The following ATG14 variants were observed in gnomAD, a reference collection of about 807,000 sequenced individuals.
ATG14 encodes the protein autophagy related 14.
Under a neutral mutation model 60.4 loss-of-function variants are expected in ATG14, and 35 were observed. That is an observed-to-expected ratio of 0.58 (90% confidence interval 0.44 to 0.77). The LOEUF is 0.77. Ranked by LOEUF, ATG14 falls within the 30% of genes least tolerant of loss-of-function variation. The pLI is 0.00. For synonymous variants in ATG14, 234 were observed against 228.8 expected (o/e 1.02, Z -0.21); for missense variants, 647 against 626.3 (o/e 1.03, Z -0.35).
At chr14:55,380,536 C>A in intron 7 of ATG14, 37 bp downstream of exon 7, 1 of 1,314,046 alleles carries the variant, frequency 7.6e-7, no homozygotes, top group Non-Finnish European at 1.1e-6. Context: ...TTGAAAGAGC[C>A]ATGATAAAGA....
rs1257020940 is a variant in ATG14, at chr14:55,377,726, G to C, written c.1172+93C>G. On this transcript the variant is annotated intron_variant, in intron 9 of 9. Coordinates refer to ENST00000247178, the MANE Select transcript of ATG14 (RefSeq NM_014924.5). ...ATTTTTGTCCGGTTTGAGGAGTTTG[G>C]GATTAGGGAACACGACTCTACTATG... The C allele has an allele frequency of 4.7e-6, 4 of 858,486 alleles. No individual in the cohort carries two copies. The African/African-American group carries it at 6.8e-5, about 15-fold the overall frequency. 53.2% of individuals were successfully genotyped at this position (858,486 alleles called of 1,614,324 possible). A position where few individuals can be genotyped will look rare whatever the true frequency, so the allele number is the denominator to read the frequency against.
At chr14:55,380,714 T>C (rs1215337472) in intron 6 of ATG14, 24 bp from the exon 7 acceptor site, 3 of 1,501,648 alleles carry the variant, frequency 2.0e-6, no homozygotes, top group African/African-American at 1.4e-5. Context: ...ACAACCACCA[T>C]GTACAAAACC....
At chr14:55,392,831 C>T (rs1411486332) in intron 3 of ATG14, among the ~76,000 whole-genome samples, 3 of 151,970 alleles carry the variant, frequency 2.0e-5, no homozygotes, top group East Asian at 1.9e-4. Flanking sequence ...TTATGGTGAG[C>T]GAAACTCTAA....
intron 5 of ATG14, among the ~76,000 whole-genome samples, chr14:55,383,443 C>T (rs1031719199): frequency 3.3e-5 from 5 of 151,900 alleles, no homozygotes; most frequent in Admixed American, 1.3e-4. Flanking sequence ...CCCAGCTACT[C>T]GGAAGGCTAA....
At chr14:55,396,585 G>C (rs933353802) in intron 2 of ATG14, among the ~76,000 whole-genome samples, 7 of 152,154 alleles carry the variant, frequency 4.6e-5, no homozygotes, top group Non-Finnish European at 8.8e-5. Context: ...GGGGGTGTGA[G>C]ACATCCACGT....
rs1884754733 is a variant in ATG14, at chr14:55,369,247, A to G, written c.*372T>C. 6.0e-6 allele frequency: 1 copy of G among 165,994 alleles called. No individual in the cohort carries two copies. Among genetic ancestry groups the G allele is most frequent in the African/African-American group, 2.4e-5 (1 of 41,986 alleles). 10.3% of individuals were successfully genotyped at this position (165,994 alleles called of 1,614,324 possible). On this transcript the variant is annotated 3_prime_UTR_variant, in exon 10 of 10. Coordinates refer to ENST00000247178, the MANE Select transcript of ATG14 (RefSeq NM_014924.5). ...CTCTAAAACTTAAAGTGTCAGGAAC[A>G]GTCTCAGCACCGCAAGGACCAGCAC...
At position 55,406,197 on chromosome 14, in the gene ATG14, C is replaced by G. The variant is rs146338498; in HGVS notation, c.221+5405G>C. ...CCTTGAGCTGCTAAACCACTAAAACCTAGATATTCAGCTAGTCTGTTAATG... is the reference window on the plus strand; with the variant it reads ...CCTTGAGCTGCTAAACCACTAAAACGTAGATATTCAGCTAGTCTGTTAATG... On this transcript the variant is annotated intron_variant, in intron 1 of 9. Coordinates refer to ENST00000247178, the MANE Select transcript of ATG14 (RefSeq NM_014924.5). Among the ~76,000 whole-genome samples, 467 of 152,232 alleles carry G rather than the reference C, an allele frequency of 3.1e-3. 1 individual carries two copies. Among genetic ancestry groups the G allele is most frequent in the Non-Finnish European group, 3.3e-3 (222 of 68,014 alleles).
chr14:55,409,762 T>C (rs1885542882), intron 1 of ATG14, among the ~76,000 whole-genome samples: 1 of 152,112 alleles, frequency 6.6e-6, no homozygotes, highest in Non-Finnish European at 1.5e-5. Flanking sequence ...ATATAGAACT[T>C]TGGTTAAGGA....
At position 55,395,987 on chromosome 14, in the gene ATG14, G is replaced by A. The variant is rs200795286; in HGVS notation, c.285-5C>T. 5 of 1,578,668 alleles carry A rather than the reference G, an allele frequency of 3.2e-6. No individual in the cohort carries two copies. Among genetic ancestry groups the A allele is most frequent in the South Asian group, 1.2e-5 (1 of 83,056 alleles). On this transcript the variant is annotated splice_polypyrimidine_tract_variant and splice_region_variant and intron_variant, in intron 2 of 9. Coordinates refer to ENST00000247178, the MANE Select transcript of ATG14 (RefSeq NM_014924.5). ...CCTTCCATAGCTTTTAACACTCTGTGAGGAAAAGAGACAGAAAATAAGCTC... is the reference window on the plus strand; with the variant it reads ...CCTTCCATAGCTTTTAACACTCTGTAAGGAAAAGAGACAGAAAATAAGCTC...
intron 6 of ATG14, among the ~76,000 whole-genome samples, chr14:55,381,577 T>A (rs564896129): frequency 1.3e-5 from 2 of 152,222 alleles, no homozygotes; most frequent in Non-Finnish European, 2.9e-5. Flanking sequence ...TAAAAACGAA[T>A]GAAACACTAA....
At chr14:55,393,405 A>T (rs1885257828) in intron 3 of ATG14, among the ~76,000 whole-genome samples, 1 of 152,140 alleles carries the variant, frequency 6.6e-6, no homozygotes, top group East Asian at 1.9e-4. Context: ...GGAAAAAAAA[A>T]GAAATATATG....
chr14:55,394,294 C>T (rs1885276268), intron 3 of ATG14, among the ~76,000 whole-genome samples: 2 of 152,136 alleles, frequency 1.3e-5, no homozygotes, highest in Admixed American at 6.5e-5. Flanking sequence ...CATGAGCCAA[C>T]GTGCCTGGCC....
Position 55,406,385 on chromosome 14 carries a change from T to C in ATG14, c.221+5217A>G, listed in dbSNP as rs139378936. The stretch of plus-strand genomic sequence containing the variant: ...GGTTCCAGATTTTATTAACAAGTGG[T>C]TTTCTACAGTTAGTGAGGGGCTTTT... On this transcript the variant is annotated intron_variant, in intron 1 of 9. Coordinates refer to ENST00000247178, the MANE Select transcript of ATG14 (RefSeq NM_014924.5). Among the ~76,000 whole-genome samples, 273 of 152,266 alleles carry C rather than the reference T, an allele frequency of 1.8e-3. 1 individual carries two copies. Among genetic ancestry groups the C allele is most frequent in the African/African-American group, 6.3e-3 (261 of 41,560 alleles).
chr14:55,380,238 ACT>A (rs1350098529), intron 7 of ATG14, among the ~76,000 whole-genome samples: 1 of 147,968 alleles, frequency 6.8e-6, no homozygotes, highest in African/African-American at 2.5e-5. Context: ...ACAGAGCGAG[ACT>A]CTGTCTCAAA....
Position 55,411,721 on chromosome 14 carries a change from C to T in ATG14, c.102G>A (p.Glu34=). Reference sequence around the variant, plus strand: ...AGCGCTCCACAGCCACGTACAGCCCCTCCGCATCGTCCACGGAGTCCACCA... The same window carrying T: ...AGCGCTCCACAGCCACGTACAGCCCTTCCGCATCGTCCACGGAGTCCACCA... ...RDLVDSVDDA[E]GLYVAVERCP... The change falls in exon 1 of 10, where the codon GAG becomes GAA. Residue 34 remains glutamate (E), a synonymous_variant. Transcript: ENST00000247178. The T allele has an allele frequency of 6.2e-7, 1 of 1,612,410 alleles. No homozygotes were observed. Among genetic ancestry groups the T allele is most frequent in the Non-Finnish European group, 8.5e-7 (1 of 1,179,506 alleles).
At chr14:55,386,221 A>G in intron 4 of ATG14, 125 bp from the exon 5 acceptor site, 6 of 781,562 alleles carry the variant, frequency 7.7e-6, no homozygotes, top group Non-Finnish European at 1.2e-5. Flanking sequence ...CCTGAATAAT[A>G]TAATGTTCAC....
At chr14:55,392,220 G>A (rs372879577) in intron 3 of ATG14, among the ~76,000 whole-genome samples, 158 of 152,336 alleles carry the variant, frequency 1.0e-3, no homozygotes, top group African/African-American at 3.6e-3. Flanking sequence ...AGGAGGTGGA[G>A]CTCAGGTGGT....
intron 1 of ATG14, among the ~76,000 whole-genome samples, chr14:55,410,355 A>G (rs529348763): frequency 6.6e-6 from 1 of 152,320 alleles, no homozygotes; most frequent in East Asian, 1.9e-4. Context: ...GACAGACAAG[A>G]AGGTCCAGAA....
At chr14:55,396,167 T>G (rs866449923) in intron 2 of ATG14, among the ~76,000 whole-genome samples, 185 bp from the exon 3 acceptor site, 1 of 152,236 alleles carries the variant, frequency 6.6e-6, no homozygotes, top group African/African-American at 2.4e-5. Flanking sequence ...CTCCTTCCTT[T>G]TGTAGTTCTG....
Sources: allele counts gnomAD v4.1 joint callset (sites outside exome capture counted in the v4.1 genomes callset), GRCh38; gene constraint gnomAD v4.1.1; transcripts MANE v1.5; gene names NCBI Gene and HGNC (gene_info 2026-07-23, HGNC 2026-07-21).